The following TXN variants were observed in gnomAD, a reference collection of about 807,000 sequenced individuals.
TXN encodes the protein ADF.
Under a neutral mutation model 16.5 loss-of-function variants are expected in TXN, and 10 were observed. The ratio of observed to expected loss-of-function variants is 0.61; its 90% CI spans 0.37 to 1.03. TXN has a LOEUF of 1.03. Among genes scored for constraint, TXN ranks in the 50% least tolerant of loss-of-function variants. The pLI is 0.01. For synonymous variants in TXN, 35 were observed against 39.4 expected (o/e 0.89, Z 0.42); for missense variants, 71 against 122.5 (o/e 0.58, Z 1.98).
In TXN at chr9:110,256,113, G is replaced by A. The variant is rs1564081952; in HGVS notation, c.24+299C>T. Among the ~76,000 whole-genome samples the A allele has an allele frequency of 1.3e-5, 2 of 152,136 alleles. No individual in the cohort carries two copies. Among genetic ancestry groups the A allele is most frequent in the African/African-American group, 2.4e-5 (1 of 41,440 alleles). ...CTCACATCCCCCGGACGCTCCCCGC[G>A]TGCGTGCAATCCCCCGAGGAACAGG... On this transcript the variant is annotated intron_variant, in intron 1 of 4. Coordinates refer to ENST00000374517, the MANE Select transcript of TXN (RefSeq NM_003329.4). This position sits in a 1 kb window ranked among gnomAD's most constrained non-coding sequence, Gnocchi z 4.2.
At chr9:110,254,259 G>A (rs4135169) in intron 1 of TXN, among the ~76,000 whole-genome samples, 321 of 152,294 alleles carry the variant, frequency 2.1e-3, no homozygotes, top group East Asian at 6.4e-3. Flanking sequence ...GGTGGTTCAC[G>A]CCTGTAATCC....
intron 3 of TXN, among the ~76,000 whole-genome samples, chr9:110,246,623 G>A (rs1013977491): frequency 6.6e-6 from 1 of 152,132 alleles, no homozygotes; most frequent in African/African-American, 2.4e-5. Context: ...AACCAACGGA[G>A]AATTCTCAAG....
Position 110,245,646 on chromosome 9 carries a change from ATATATATATTTT to A in TXN, c.190-815_190-804del, listed in dbSNP as rs1219747432. Among the ~76,000 whole-genome samples, 7 of 27,932 alleles carry A rather than the reference ATATATATATTTT, an allele frequency of 2.5e-4. 1 individual carries two copies. The East Asian group carries it at 4.2e-3, about 17-fold the overall frequency. 18.3% of individuals were successfully genotyped at this position (27,932 alleles called of 152,430 possible). On this transcript the variant is annotated intron_variant, in intron 3 of 4. Transcript: ENST00000374517. ...TATATATATATATATATATATATAT[ATATATATATTTT>A]TTTTTTTTTTTTTTTATAGGGACAA...
rs1170640168 is a variant in TXN at position 110,245,618 on chromosome 9, CTATATATATA to C, written c.190-785_190-776del. On this transcript the variant is annotated intron_variant, in intron 3 of 4. Coordinates refer to ENST00000374517, the MANE Select transcript of TXN (RefSeq NM_003329.4). ...GTATATATATACACACACACACACA[CTATATATATA>C]TATATATATATATATATATATATAT... 1.3e-3 allele frequency among the ~76,000 whole-genome samples: 39 copies of C among 30,892 alleles called. 1 individual carries two copies. The highest frequency in any genetic ancestry group is 4.4e-3 in the Admixed American group (6 of 1,370). 20.3% of individuals were successfully genotyped at this position (30,892 alleles called of 152,430 possible). A position where few individuals can be genotyped will look rare whatever the true frequency, so the allele number is the denominator to read the frequency against.
intron 3 of TXN, among the ~76,000 whole-genome samples, chr9:110,248,608 G>A (rs1311398753): frequency 6.6e-6 from 1 of 152,168 alleles, no homozygotes; most frequent in Non-Finnish European, 1.5e-5. Context: ...ATTAAGTGAT[G>A]CATGACTGTA....
intron 3 of TXN, chr9:110,245,219 T>C (rs4135215): frequency 0.12 from 19,513 of 165,546 alleles, 1,417 homozygotes; most frequent in East Asian, 0.23. Flanking sequence ...TTGGACTCAG[T>C]ATGATAATCT....
intron 3 of TXN, among the ~76,000 whole-genome samples, chr9:110,247,959 TC>T (rs1177840640): frequency 6.6e-6 from 1 of 152,176 alleles, no homozygotes; most frequent in East Asian, 1.9e-4. Context: ...ATACTGATGA[TC>T]CTGACCCTGT....
chr9:110,243,895 T>C lies in TXN; in HGVS notation c.*262A>G. On this transcript the variant is annotated 3_prime_UTR_variant, in exon 5 of 5. Coordinates refer to ENST00000374517, the MANE Select transcript of TXN (RefSeq NM_003329.4). The stretch of plus-strand genomic sequence containing the variant: ...CAATACATTAAGGTAGCAATAATAA[T>C]TTTTAAAATCTTAAAATAATCAGTG... 4.9e-6 allele frequency: 1 copy of C among 204,706 alleles called. No homozygotes were observed. The allele number at this position is 204,706 out of a possible 1,614,324, so 12.7% of individuals were successfully genotyped here. A position where few individuals can be genotyped will look rare whatever the true frequency, so the allele number is the denominator to read the frequency against.
intron 3 of TXN, among the ~76,000 whole-genome samples, chr9:110,249,646 C>T (rs890429369): frequency 6.6e-6 from 1 of 152,176 alleles, no homozygotes; most frequent in Non-Finnish European, 1.5e-5. Context: ...CAAGCCAAGG[C>T]AGGGGTTGCC....
Position 110,256,422 on chromosome 9 carries a change from A to T in TXN, c.14T>A (p.Ile5Asn). MVKQ[I>N]ESKTAFQEAL... Reference sequence around the variant, plus strand: ...CCCGGTAGCGCGTACCTTGCTCTCGATCTGCTTCACCATCTTGGCTGCTGG... The same window carrying T: ...CCCGGTAGCGCGTACCTTGCTCTCGTTCTGCTTCACCATCTTGGCTGCTGG... The change falls in exon 1 of 5, where the codon ATC (isoleucine) becomes AAC (asparagine). Residue 5 changes from isoleucine (I) to asparagine (N), a missense_variant. Coordinates refer to ENST00000374517, the MANE Select transcript of TXN (RefSeq NM_003329.4). This position sits in a 1 kb window ranked among gnomAD's most constrained non-coding sequence, Gnocchi z 4.2. 1 of 1,607,482 alleles carries T rather than the reference A, an allele frequency of 6.2e-7. No individual in the cohort carries two copies. Among genetic ancestry groups the T allele is most frequent in the Non-Finnish European group, 8.5e-7 (1 of 1,177,008 alleles).
intron 3 of TXN, among the ~76,000 whole-genome samples, chr9:110,250,454 C>G (rs1837718404): frequency 6.6e-6 from 1 of 152,168 alleles, no homozygotes; most frequent in African/African-American, 2.4e-5. Context: ...CACAAAGAGC[C>G]CTACAAGCGG....
chr9:110,251,906 G>A (rs1837743211), intron 1 of TXN, among the ~76,000 whole-genome samples: 1 of 152,134 alleles, frequency 6.6e-6, no homozygotes, highest in Non-Finnish European at 1.5e-5. Context: ...ATAGGATTTT[G>A]CAATTGAAAC....
At chr9:110,248,413 A>T (rs932454966) in intron 3 of TXN, among the ~76,000 whole-genome samples, 34 of 152,242 alleles carry the variant, frequency 2.2e-4, no homozygotes, top group South Asian at 1.9e-3. Context: ...ACAAATACTT[A>T]CTGTTGTGTT....
At chr9:110,253,556 A>G (rs1380538342) in intron 1 of TXN, among the ~76,000 whole-genome samples, 1 of 152,216 alleles carries the variant, frequency 6.6e-6, no homozygotes, top group Non-Finnish European at 1.5e-5. Context: ...TTTTTTTAAC[A>G]TGATTAACCC....
intron 3 of TXN, among the ~76,000 whole-genome samples, chr9:110,245,654 ATT>A (rs1228829953): frequency 0.012 from 263 of 21,610 alleles, 1 homozygote; most frequent in East Asian, 0.065. Flanking sequence ...ATATATATAT[ATT>A]TTTTTTTTTT....
Position 110,245,652 on chromosome 9 carries a change from A to ATTTT in TXN, c.190-810_190-809insAAAA, listed in dbSNP as rs1277293432. ...TATATATATATATATATATATATAT[A>ATTTT]TATTTTTTTTTTTTTTTTTTTATAG... On this transcript the variant is annotated intron_variant, in intron 3 of 4. Transcript: ENST00000374517. 3.8e-4 allele frequency among the ~76,000 whole-genome samples: 9 copies of ATTTT among 23,672 alleles called. 1 individual carries two copies. The East Asian group carries it at 5.2e-3, about 14-fold the overall frequency. The allele number at this position is 23,672 out of a possible 152,430, so 15.5% of individuals were successfully genotyped here.
At chr9:110,248,956 T>G (rs1837691114) in intron 3 of TXN, among the ~76,000 whole-genome samples, 1 of 151,532 alleles carries the variant, frequency 6.6e-6, no homozygotes, top group Non-Finnish European at 1.5e-5. Flanking sequence ...CTACTGGGGT[T>G]TTAATTTTGT....
At chr9:110,244,321 G>GTATATGTATATACA (rs1837620497) in intron 4 of TXN, 102 bp from the exon 5 acceptor site, 1 of 319,294 alleles carries the variant, frequency 3.1e-6, no homozygotes, top group African/African-American at 2.3e-5. Flanking sequence ...ATATACATAT[G>GTATATGTATATACA]TATATATATA....
chr9:110,249,035 G>C (rs1837692135), intron 3 of TXN, among the ~76,000 whole-genome samples: 1 of 143,854 alleles, frequency 7.0e-6, no homozygotes, highest in African/African-American at 2.6e-5. Context: ...GGCTGAGACA[G>C]AGGATTGCTT....
Sources: allele counts gnomAD v4.1 joint callset (sites outside exome capture counted in the v4.1 genomes callset), GRCh38; gene constraint gnomAD v4.1.1; non-coding constraint Gnocchi (gnomAD v3.1); transcripts MANE v1.5; gene names NCBI Gene and HGNC (gene_info 2026-07-23, HGNC 2026-07-21).